Variants in CACNA1D observed in about 807,000 individuals in gnomAD.
CACNA1D encodes the protein voltage-dependent L-type calcium channel subunit alpha-1D.
CACNA1D carries 55 observed loss-of-function variants against 257.1 expected under a neutral mutation model. The observed-to-expected ratio is 0.21, with a 90% CI of 0.17 to 0.27. The LOEUF (loss-of-function observed/expected upper bound fraction) is 0.27, where lower values mean the gene tolerates loss of function less well. Among genes scored for constraint, CACNA1D ranks in the 10% least tolerant of loss-of-function variants. The pLI is 1.00. For missense variants in CACNA1D, 1,876 were observed against 2,784.0 expected (o/e 0.67, Z 7.34); for synonymous variants, 980 against 1,014.9 (o/e 0.97, Z 0.65).
At chr3:53,660,510 C>T (rs1043219125) in intron 5 of CACNA1D, among the ~76,000 whole-genome samples, 2 of 152,186 alleles carry the variant, frequency 1.3e-5, no homozygotes, top group Admixed American at 6.5e-5. Context: ...AGAATCTTCT[C>T]TTGCAGAAAG....
At chr3:53,662,379 C>T (rs1018606603) in intron 5 of CACNA1D, among the ~76,000 whole-genome samples, 1 of 152,188 alleles carries the variant, frequency 6.6e-6, no homozygotes, top group African/African-American at 2.4e-5. Context: ...GTCCCCCATT[C>T]TCTCCACAGC....
chr3:53,757,101 G>A (rs2095270303), intron 29 of CACNA1D, among the ~76,000 whole-genome samples: 1 of 152,324 alleles, frequency 6.6e-6, no homozygotes, highest in South Asian at 2.1e-4. Context: ...TGGGCACTGA[G>A]TCCTCATCTG....
chr3:53,544,524 A>G (rs981955305), intron 3 of CACNA1D, among the ~76,000 whole-genome samples: 4 of 152,056 alleles, frequency 2.6e-5, no homozygotes, highest in Admixed American at 1.3e-4. Context: ...CAGTCCTGGG[A>G]TGATGCAGGC....
In CACNA1D at chr3:53,520,890, C is replaced by CTTTCT. The variant is rs777679306; in HGVS notation, c.483+19194_483+19198dup. 4.0e-3 allele frequency among the ~76,000 whole-genome samples: 488 copies of CTTTCT among 120,602 alleles called. 1 individual carries two copies. Among genetic ancestry groups the CTTTCT allele is most frequent in the South Asian group, 0.012 (46 of 3,894 alleles). 79.1% of individuals were successfully genotyped at this position (120,602 alleles called of 152,430 possible). ...TCTTTCTTTCTTTCTTTCTTTCTTT[C>CTTTCT]TTTCTTTTCTTTTCTTTTCTTTTCT... On this transcript the variant is annotated intron_variant, in intron 3 of 47. Transcript: ENST00000350061.
At chr3:53,746,935 G>T (rs1016620081) in intron 25 of CACNA1D, among the ~76,000 whole-genome samples, 2 of 152,156 alleles carry the variant, frequency 1.3e-5, no homozygotes, top group Non-Finnish European at 2.9e-5. Context: ...TCGTTTCCTA[G>T]AGCCTACAGA....
At chr3:53,788,800 C>G (rs2095469437) in intron 40 of CACNA1D, among the ~76,000 whole-genome samples, 1 of 152,100 alleles carries the variant, frequency 6.6e-6, no homozygotes. Context: ...GGTTGATGTC[C>G]TAATTTACAG....
intron 8 of CACNA1D, among the ~76,000 whole-genome samples, chr3:53,675,796 C>G (rs772815383): frequency 2.0e-5 from 3 of 152,058 alleles, no homozygotes; most frequent in Non-Finnish European, 4.4e-5. Context: ...AACTTAGATC[C>G]CTGATGGAGG....
At chr3:53,502,502 A>G (rs2090648682) in intron 3 of CACNA1D, among the ~76,000 whole-genome samples, 1 of 150,402 alleles carries the variant, frequency 6.6e-6, no homozygotes, top group Non-Finnish European at 1.5e-5. Context: ...CTTTAACATC[A>G]TGGAACCAGT....
Position 53,811,017 on chromosome 3 carries a change from CAGTTA to C in CACNA1D, c.6193-90_6193-86del, listed in dbSNP as rs1201457175. Reference sequence around the variant, plus strand: ...AGCTGCATCCCCAAAGCACACGGTGCAGTTAAGTTAGCACTGGAGTTGATTTTTCT... The same window carrying C: ...AGCTGCATCCCCAAAGCACACGGTGCAGTTAGCACTGGAGTTGATTTTTCT... On this transcript the variant is annotated intron_variant, in intron 47 of 47. Coordinates refer to ENST00000350061, the MANE Select transcript of CACNA1D (RefSeq NM_001128840.3). This position sits in a 1 kb window ranked among gnomAD's most constrained non-coding sequence, Gnocchi z 4.2. 9 of 896,678 alleles carry C rather than the reference CAGTTA, an allele frequency of 1.0e-5. No individual in the cohort carries two copies. The highest frequency in any genetic ancestry group is 9.8e-5 in the African/African-American group (6 of 61,044). 55.5% of individuals were successfully genotyped at this position (896,678 alleles called of 1,614,324 possible). A position where few individuals can be genotyped will look rare whatever the true frequency, so the allele number is the denominator to read the frequency against.
chr3:53,810,034 C>T lies in CACNA1D; in HGVS notation c.5928C>T (p.His1976=). The change falls in exon 47 of 48, where the codon CAC becomes CAT. Residue 1976 remains histidine (H), a synonymous_variant. Coordinates refer to ENST00000350061, the MANE Select transcript of CACNA1D (RefSeq NM_001128840.3). ...AAGCCCAGAAGTACTCACCGAGTCA[C>T]TCGACCCGGTCGTGGGCCACCCCTC... ...SSKAQKYSPS[H]STRSWATPPA... is the part of the protein sequence containing the mutation. 1 of 1,614,036 alleles carries T rather than the reference C, an allele frequency of 6.2e-7. No homozygotes were observed. Among genetic ancestry groups the T allele is most frequent in the Non-Finnish European group, 8.5e-7 (1 of 1,180,000 alleles).
chr3:53,602,392 T>C (rs1042268763), intron 3 of CACNA1D, among the ~76,000 whole-genome samples: 1 of 152,260 alleles, frequency 6.6e-6, no homozygotes, highest in African/African-American at 2.4e-5. Context: ...TATTTGACTC[T>C]TGTGAATAAT....
chr3:53,592,936 G>A (rs543308221), intron 3 of CACNA1D, among the ~76,000 whole-genome samples: 5 of 152,164 alleles, frequency 3.3e-5, no homozygotes, highest in South Asian at 2.1e-4. Flanking sequence ...TGATCTGTCC[G>A]CCTCAGCCTC....
chr3:53,529,433 A>G (rs2091875374), intron 3 of CACNA1D, among the ~76,000 whole-genome samples: 1 of 152,068 alleles, frequency 6.6e-6, no homozygotes. Context: ...TTTTACATGT[A>G]TGTTCTTGAG....
At position 53,787,425 on chromosome 3, in the gene CACNA1D, CTG is replaced by C. The variant is rs3217446; in HGVS notation, c.4923+501_4923+502del. 4.3e-3 allele frequency among the ~76,000 whole-genome samples: 587 copies of C among 136,208 alleles called. 1 individual carries two copies. Among genetic ancestry groups the C allele is most frequent in the African/African-American group, 0.016 (547 of 34,612 alleles). The allele number at this position is 136,208 out of a possible 152,430, so 89.4% of individuals were successfully genotyped here. On this transcript the variant is annotated intron_variant, in intron 40 of 47. Coordinates refer to ENST00000350061, the MANE Select transcript of CACNA1D (RefSeq NM_001128840.3). Reference sequence around the variant, plus strand: ...CATCCATCACCTCCTAGTATGTATTCTGTGTGTGTGTGTGTGTGTGTGTGTGT... The same window carrying C: ...CATCCATCACCTCCTAGTATGTATTCTGTGTGTGTGTGTGTGTGTGTGTGT...
intron 9 of CACNA1D, among the ~76,000 whole-genome samples, chr3:53,712,791 G>T (rs1369115422): frequency 6.6e-6 from 1 of 152,158 alleles, no homozygotes; most frequent in African/African-American, 2.4e-5. Flanking sequence ...TCCTGAGTGT[G>T]CAAAAAAGTC....
chr3:53,632,442 G>A (rs547110577), intron 3 of CACNA1D, among the ~76,000 whole-genome samples: 24 of 152,222 alleles, frequency 1.6e-4, no homozygotes, highest in Non-Finnish European at 2.8e-4. Context: ...AACATTTTCT[G>A]TATCAGCAAT....
At chr3:53,727,687 C>G (rs1410529215) in intron 15 of CACNA1D, among the ~76,000 whole-genome samples, 1 of 152,138 alleles carries the variant, frequency 6.6e-6, no homozygotes, top group Non-Finnish European at 1.5e-5. Flanking sequence ...TGCCTAGCAC[C>G]AGACCTGGTA....
At chr3:53,681,609 C>T (rs761478769) in intron 8 of CACNA1D, among the ~76,000 whole-genome samples, 4 of 152,138 alleles carry the variant, frequency 2.6e-5, no homozygotes, top group African/African-American at 9.6e-5. Flanking sequence ...ACCAGGGTTA[C>T]GGTGGTGGGA....
chr3:53,808,896 A>G, intron 46 of CACNA1D, 126 bp downstream of exon 46: 2 of 976,750 alleles, frequency 2.0e-6, no homozygotes, highest in South Asian at 1.5e-5. Context: ...CCTACAGTCT[A>G]GTTAATCTTT....
Sources: allele counts gnomAD v4.1 joint callset (sites outside exome capture counted in the v4.1 genomes callset), GRCh38; gene constraint gnomAD v4.1.1; non-coding constraint Gnocchi (gnomAD v3.1); transcripts MANE v1.5; gene names NCBI Gene and HGNC (gene_info 2026-07-23, HGNC 2026-07-21).